The following C8orf34 variants were observed in gnomAD, a reference collection of about 807,000 sequenced individuals.
The protein encoded by C8orf34 is uncharacterized protein C8orf34.
C8orf34 carries 65 observed loss-of-function variants against 68.3 expected under a neutral mutation model. That is an observed-to-expected ratio of 0.95 (90% CI 0.78 to 1.17). The LOEUF (loss-of-function observed/expected upper bound fraction) is 1.17, where lower values mean the gene tolerates loss of function less well. Among genes scored for constraint, C8orf34 ranks in the 50% most tolerant of loss-of-function variants. C8orf34 has a pLI of 0.00. For missense variants in C8orf34, 664 were observed against 655.4 expected, an observed-to-expected ratio of 1.01 and a Z score of -0.14; for synonymous variants, 244 against 241.2, an observed-to-expected ratio of 1.01 and a Z score of -0.11.
Position 68,664,715 on chromosome 8 carries a change from G to A in C8orf34, c.1241+24204G>A, listed in dbSNP as rs555697840. Among the ~76,000 whole-genome samples, 23 of 152,224 alleles carry A rather than the reference G, an allele frequency of 1.5e-4. No homozygotes were observed. In the South Asian group the frequency reaches 2.3e-3, roughly 15 times the overall value. On this transcript the variant is annotated intron_variant, in intron 8 of 13. Coordinates refer to ENST00000518698, the MANE Select transcript of C8orf34 (RefSeq NM_052958.4). ...TAATCAGATGCCCCTTCCTTAGTGT[G>A]CCCTAGTTCATCCACAGAGAGAACA...
chr8:68,559,378 G>A (rs975308778), intron 7 of C8orf34, among the ~76,000 whole-genome samples: 15 of 152,308 alleles, frequency 9.8e-5, no homozygotes, highest in Non-Finnish European at 1.6e-4. Context: ...TTTAAAGTGC[G>A]AGTGTTTTTT....
At chr8:68,449,987 A>G (rs1382502125) in intron 3 of C8orf34, among the ~76,000 whole-genome samples, 1 of 152,104 alleles carries the variant, frequency 6.6e-6, no homozygotes, top group Non-Finnish European at 1.5e-5. Context: ...AATCCTCTTA[A>G]ACCCTGTCAC....
rs571983058 is a variant in C8orf34, at chr8:68,523,772, A to C, written c.938+1801A>C. Among the ~76,000 whole-genome samples the C allele has an allele frequency of 1.4e-4, 21 of 152,208 alleles. No individual in the cohort carries two copies. The South Asian group carries it at 3.9e-3, about 29-fold the overall frequency. On this transcript the variant is annotated intron_variant, in intron 6 of 13. Transcript: ENST00000518698. ...GGATCAAGCAGAAAGGGTTGGAGAA[A>C]ATTTTTTAATGGCTCCAGAGTCCGT...
chr8:68,411,607 T>A (rs1809447551), intron 1 of C8orf34, among the ~76,000 whole-genome samples: 1 of 152,226 alleles, frequency 6.6e-6, no homozygotes. Context: ...TTATCAAACA[T>A]ATATAAATCT....
intron 7 of C8orf34, among the ~76,000 whole-genome samples, chr8:68,579,610 C>T (rs1817002753): frequency 6.6e-6 from 1 of 152,148 alleles, no homozygotes; most frequent in African/African-American, 2.4e-5. Context: ...TCCCTACCTT[C>T]CTATTCCAAG....
chr8:68,428,629 A>G (rs1007240431), intron 1 of C8orf34, among the ~76,000 whole-genome samples: 5 of 152,124 alleles, frequency 3.3e-5, no homozygotes, highest in African/African-American at 1.2e-4. Context: ...AATGAACATA[A>G]TCTTGGCAGA....
intron 12 of C8orf34, among the ~76,000 whole-genome samples, chr8:68,805,816 C>A (rs188326595): frequency 3.3e-5 from 5 of 152,032 alleles, no homozygotes. Flanking sequence ...TTTACTTGTG[C>A]GTAGTGTAAT....
intron 5 of C8orf34, among the ~76,000 whole-genome samples, chr8:68,506,051 C>T (rs1335306345): frequency 2.0e-5 from 3 of 152,046 alleles, no homozygotes; most frequent in African/African-American, 7.2e-5. Context: ...TGAATTTTAA[C>T]TTTAACCCCT....
At chr8:68,496,220 TAGAC>T (rs1181643023) in intron 5 of C8orf34, among the ~76,000 whole-genome samples, 2 of 152,206 alleles carry the variant, frequency 1.3e-5, no homozygotes, top group Non-Finnish European at 2.9e-5. Flanking sequence ...ATAGACTCAA[TAGAC>T]AGTTCATGAA....
At chr8:68,422,004 C>A (rs1401282373) in intron 1 of C8orf34, among the ~76,000 whole-genome samples, 1 of 152,098 alleles carries the variant, frequency 6.6e-6, no homozygotes, top group Non-Finnish European at 1.5e-5. Flanking sequence ...GGAAACCACC[C>A]CCATGACCTG....
intron 1 of C8orf34, among the ~76,000 whole-genome samples, chr8:68,336,883 C>T (rs1197281776): frequency 2.0e-5 from 3 of 152,024 alleles, no homozygotes; most frequent in African/African-American, 7.2e-5. Flanking sequence ...ACCCCTAAGA[C>T]AACTTGAGGG....
chr8:68,713,184 G>T (rs546256670), intron 9 of C8orf34, among the ~76,000 whole-genome samples: 10 of 152,186 alleles, frequency 6.6e-5, no homozygotes, highest in Admixed American at 5.9e-4. Flanking sequence ...GCGCTAAGAG[G>T]AAAGTTCATA....
chr8:68,542,565 G>A (rs1162814221), intron 7 of C8orf34, among the ~76,000 whole-genome samples: 1 of 152,016 alleles, frequency 6.6e-6, no homozygotes, highest in Non-Finnish European at 1.5e-5. Flanking sequence ...GTTTAAGATA[G>A]GAAAGATATC....
At chr8:68,633,666 A>G (rs1293609098) in intron 7 of C8orf34, among the ~76,000 whole-genome samples, 1 of 152,176 alleles carries the variant, frequency 6.6e-6, no homozygotes, top group African/African-American at 2.4e-5. Context: ...ACTTGCAACC[A>G]AAGATGGTAT....
intron 1 of C8orf34, among the ~76,000 whole-genome samples, chr8:68,372,907 T>C (rs560332156): frequency 3.3e-5 from 5 of 152,352 alleles, no homozygotes; most frequent in Admixed American, 3.3e-4. Context: ...GAAATGAACG[T>C]GCAGAGTACC....
intron 9 of C8orf34, among the ~76,000 whole-genome samples, chr8:68,711,742 A>G (rs933203198): frequency 6.6e-6 from 1 of 152,210 alleles, no homozygotes; most frequent in Non-Finnish European, 1.5e-5. Context: ...AGAGAAATCT[A>G]AAAGTTCAGA....
At chr8:68,712,534 G>A (rs1185771813) in intron 9 of C8orf34, among the ~76,000 whole-genome samples, 1 of 152,128 alleles carries the variant, frequency 6.6e-6, no homozygotes, top group Non-Finnish European at 1.5e-5. Context: ...GTGAGCAGGA[G>A]TAGGTATTTT....
chr8:68,515,256 C>G (rs781066018), intron 5 of C8orf34, among the ~76,000 whole-genome samples: 1 of 151,620 alleles, frequency 6.6e-6, no homozygotes, highest in Non-Finnish European at 1.5e-5. Context: ...TCTGACCTCA[C>G]TTATTTAGTT....
At chr8:68,639,802 G>T (rs1017723814) in intron 7 of C8orf34, among the ~76,000 whole-genome samples, 1 of 152,124 alleles carries the variant, frequency 6.6e-6, no homozygotes, top group Admixed American at 6.5e-5. Flanking sequence ...TGACTATTCA[G>T]GTTTACTGTT....
Sources: gnomAD v4.1 joint callset for allele counts (sites outside exome capture counted in the v4.1 genomes callset) on GRCh38, gnomAD v4.1.1 for gene constraint, MANE v1.5 for transcripts, NCBI Gene and HGNC (gene_info 2026-07-23, HGNC 2026-07-21) for gene names.